Variants in KIF2A observed in about 807,000 individuals in gnomAD.
KIF2A encodes kinesin-like protein KIF2A.
In KIF2A, 22 loss-of-function variants were observed where a neutral mutation model predicts 100.2. The ratio of observed to expected loss-of-function variants is 0.22; its 90% confidence interval spans 0.16 to 0.31. The LOEUF is 0.31. KIF2A is among the 10% of genes least tolerant of loss of function. The pLI is 1.00. For synonymous variants in KIF2A, 268 were observed against 285.9 expected, an observed-to-expected ratio of 0.94 and a Z score of 0.63; for missense variants, 495 against 898.7, an observed-to-expected ratio of 0.55 and a Z score of 5.74.
At position 62,387,940 on chromosome 5, in the gene KIF2A, A is replaced by G. The variant is rs1561286843; in HGVS notation, c.*2371A>G. The G allele has an allele frequency of 6.6e-6, 1 of 152,252 alleles. No individual in the cohort carries two copies. The highest frequency in any genetic ancestry group is 1.9e-4 in the East Asian group (1 of 5,188). 9.4% of individuals were successfully genotyped at this position (152,252 alleles called of 1,614,324 possible). A position where few individuals can be genotyped will look rare whatever the true frequency, so the allele number is the denominator to read the frequency against. On this transcript the variant is annotated 3_prime_UTR_variant, in exon 21 of 21. Coordinates refer to ENST00000407818, the MANE Select transcript of KIF2A (RefSeq NM_001098511.3). ...ACTCTTCTATTAAGTTAGGTATTAA[A>G]AAAAGCCAAATATCAATAAAGATAT...
intron 20 of KIF2A, among the ~76,000 whole-genome samples, chr5:62,381,965 G>A (rs1741790833): frequency 6.6e-6 from 1 of 152,044 alleles, no homozygotes; most frequent in Admixed American, 6.5e-5. Context: ...GTGTCTTTTT[G>A]GTTTTTTAGT....
rs72501348 is a variant in KIF2A at position 62,328,683 on chromosome 5, G to A, written c.65-18447G>A. On this transcript the variant is annotated intron_variant, in intron 1 of 20. Transcript: ENST00000407818. The stretch of plus-strand genomic sequence containing the variant: ...ATTTTGTGTTTTTAGTAGAGACGGG[G>A]TTTCTCCATTTTGGGTCAGGGTGGT... Among the ~76,000 whole-genome samples, 221 of 152,052 alleles carry A rather than the reference G, an allele frequency of 1.5e-3. 5 individuals are homozygous for A. In the East Asian group the frequency reaches 0.04, roughly 28 times the overall value.
chr5:62,325,032 G>A (rs1746294371), intron 1 of KIF2A, among the ~76,000 whole-genome samples: 1 of 152,080 alleles, frequency 6.6e-6, no homozygotes, highest in African/African-American at 2.4e-5. Flanking sequence ...TGGGCAAAGG[G>A]ACACACTTGC....
rs527475232 is a variant in KIF2A, at chr5:62,321,935, T to C, written c.64+15399T>C. 9.2e-5 allele frequency among the ~76,000 whole-genome samples: 14 copies of C among 152,314 alleles called. No homozygotes were observed. The South Asian group carries it at 2.9e-3, about 32-fold the overall frequency. On this transcript the variant is annotated intron_variant, in intron 1 of 20. Transcript: ENST00000407818. Reference sequence around the variant, plus strand: ...ATAATTTGGTATGTTTTCTCTTTTTTTTTGAGACAGCGTCTCACTCTGTCA... The same window carrying C: ...ATAATTTGGTATGTTTTCTCTTTTTCTTTGAGACAGCGTCTCACTCTGTCA...
At chr5:62,313,907 T>C (rs1404610796) in intron 1 of KIF2A, among the ~76,000 whole-genome samples, 3 of 152,004 alleles carry the variant, frequency 2.0e-5, no homozygotes, top group Non-Finnish European at 4.4e-5. Context: ...TCCTCTCACC[T>C]TAACTTCCCA....
intron 8 of KIF2A, 74 bp downstream of exon 8, chr5:62,357,819 A>G: frequency 1.1e-6 from 1 of 949,100 alleles, no homozygotes; most frequent in South Asian, 1.5e-5. Flanking sequence ...ATAGCAAATC[A>G]AATTGGTTTG....
chr5:62,306,680 G>A (rs1339662661), intron 1 of KIF2A, 144 bp downstream of exon 1: 21 of 668,762 alleles, frequency 3.1e-5, no homozygotes, highest in Non-Finnish European at 2.5e-5. Flanking sequence ...TTTGTGTGTG[G>A]CGTGTGTGCC....
At chr5:62,357,338 C>T (rs1026038607) in intron 7 of KIF2A, among the ~76,000 whole-genome samples, 9 of 152,122 alleles carry the variant, frequency 5.9e-5, no homozygotes, top group African/African-American at 2.2e-4. Flanking sequence ...CCCACCTTAG[C>T]CTCCCAAAGT....
At chr5:62,336,485 C>T (rs1356754864) in intron 1 of KIF2A, among the ~76,000 whole-genome samples, 3 of 152,104 alleles carry the variant, frequency 2.0e-5, no homozygotes, top group Admixed American at 6.6e-5. Flanking sequence ...CTTTAGAAAT[C>T]ATTAACAGGA....
intron 1 of KIF2A, among the ~76,000 whole-genome samples, chr5:62,338,525 A>G (rs943442512): frequency 7.2e-5 from 11 of 152,126 alleles, no homozygotes; most frequent in Non-Finnish European, 2.9e-5. Flanking sequence ...CCTAATCTCA[A>G]GTGATCTGCC....
chr5:62,308,987 G>A (rs1046880388), intron 1 of KIF2A, among the ~76,000 whole-genome samples: 1 of 152,110 alleles, frequency 6.6e-6, no homozygotes, highest in Non-Finnish European at 1.5e-5. Flanking sequence ...GCATCATGTT[G>A]TAAACCTCAG....
intron 1 of KIF2A, among the ~76,000 whole-genome samples, chr5:62,340,097 A>T (rs1747215513): frequency 6.6e-6 from 1 of 151,918 alleles, no homozygotes; most frequent in African/African-American, 2.4e-5. Flanking sequence ...CACCATGCCC[A>T]GCTAATTTTT....
chr5:62,364,520 C>A (rs1441040479), intron 14 of KIF2A, among the ~76,000 whole-genome samples: 1 of 152,130 alleles, frequency 6.6e-6, no homozygotes, highest in African/African-American at 2.4e-5. Context: ...AACAGTTTCT[C>A]AGAAAAATGT....
intron 1 of KIF2A, among the ~76,000 whole-genome samples, chr5:62,324,432 G>A (rs1226644314): frequency 1.3e-5 from 2 of 152,012 alleles, no homozygotes; most frequent in African/African-American, 4.8e-5. Context: ...CAAAACCAGA[G>A]GTATTATACT....
chr5:62,308,550 G>A (rs1281225579), intron 1 of KIF2A: 1 of 702,684 alleles, frequency 1.4e-6, no homozygotes, highest in Admixed American at 2.0e-5. Context: ...GTGTGTATAC[G>A]TTTATGTGTG....
At chr5:62,350,025 G>C in intron 3 of KIF2A, 41 bp from the exon 4 acceptor site, 1 of 1,359,526 alleles carries the variant, frequency 7.4e-7, no homozygotes, top group Non-Finnish European at 1.0e-6. Context: ...ATATGAGGGA[G>C]TAAAGATAGA....
Position 62,358,204 on chromosome 5 carries a change from A to C in KIF2A, c.777A>C (p.Pro259=), listed in dbSNP as rs771593906. 1 of 1,604,784 alleles carries C rather than the reference A, an allele frequency of 6.2e-7. No homozygotes were observed. Among genetic ancestry groups the C allele is most frequent in the Admixed American group, 1.7e-5 (1 of 57,638 alleles). The stretch of plus-strand genomic sequence containing the variant: ...AAGATGTTGTGATGGTACATGAACC[A>C]AAACAAAAAGTAGATTTAACAAGGT... The part of the protein sequence containing the change: ...PSKDVVMVHE[P]KQKVDLTRYL... The change falls in exon 9 of 21, where the codon CCA becomes CCC. Residue 259 remains proline, a synonymous_variant. Coordinates refer to ENST00000407818, the MANE Select transcript of KIF2A (RefSeq NM_001098511.3).
intron 1 of KIF2A, among the ~76,000 whole-genome samples, chr5:62,323,970 G>T (rs1722242262): frequency 6.6e-6 from 1 of 151,946 alleles, no homozygotes; most frequent in Admixed American, 6.6e-5. Flanking sequence ...AGAGGTTGAG[G>T]CTGCAGTGAG....
At position 62,390,494 on chromosome 5, in the gene KIF2A, C is replaced by T. The variant is rs1028952654; in HGVS notation, c.*4925C>T. Among the ~76,000 whole-genome samples, 2 of 152,068 alleles carry T rather than the reference C, an allele frequency of 1.3e-5. No homozygotes were observed. Among genetic ancestry groups the T allele is most frequent in the Non-Finnish European group, 2.9e-5 (2 of 68,008 alleles). ...GTAAGGAAATTTTAAAAATCAGATC[C>T]AGTTACATGTATTATGATTTTTCTA... On this transcript the variant is annotated 3_prime_UTR_variant, in exon 21 of 21. Coordinates refer to ENST00000407818, the MANE Select transcript of KIF2A (RefSeq NM_001098511.3).
Sources: allele counts gnomAD v4.1 joint callset (sites outside exome capture counted in the v4.1 genomes callset), GRCh38; gene constraint gnomAD v4.1.1; transcripts MANE v1.5; gene names NCBI Gene and HGNC (gene_info 2026-07-23, HGNC 2026-07-21).